Variants in ENAH observed in about 807,000 individuals in gnomAD.
ENAH encodes the protein protein enabled homolog.
In ENAH, 23 loss-of-function variants were observed where a neutral mutation model predicts 78.7. The ratio of observed to expected loss-of-function variants is 0.29; its 90% confidence interval spans 0.21 to 0.41. The LOEUF (loss-of-function observed/expected upper bound fraction) is 0.41, where lower values mean the gene tolerates loss of function less well. Among genes scored for constraint, ENAH ranks in the 10% least tolerant of loss-of-function variants. ENAH has a pLI of 1.00. For synonymous variants in ENAH, 226 were observed against 241.0 expected, an observed-to-expected ratio of 0.94 and a Z score of 0.58; for missense variants, 544 against 691.0, an observed-to-expected ratio of 0.79 and a Z score of 2.39.
chr1:225,612,601 T>C (rs190609166), intron 1 of ENAH, among the ~76,000 whole-genome samples: 2 of 152,288 alleles, frequency 1.3e-5, no homozygotes, highest in East Asian at 3.9e-4. Context: ...ATCTGCATTT[T>C]CCCACAGCAA....
At chr1:225,505,452 C>A (rs955732361) in intron 11 of ENAH, among the ~76,000 whole-genome samples, 1 of 152,160 alleles carries the variant, frequency 6.6e-6, no homozygotes. Flanking sequence ...TAGTTTAAAG[C>A]ATTTTTAACC....
intron 3 of ENAH, among the ~76,000 whole-genome samples, chr1:225,545,196 TGAAGAGACA>T (rs2096607473): frequency 1.3e-5 from 2 of 152,164 alleles, no homozygotes; most frequent in African/African-American, 4.8e-5. Context: ...CCATCTACAT[TGAAGAGACA>T]GAAAATATGG....
chr1:225,648,866 T>C (rs1662465521), intron 1 of ENAH, among the ~76,000 whole-genome samples: 1 of 151,856 alleles, frequency 6.6e-6, no homozygotes, highest in African/African-American at 2.4e-5. Flanking sequence ...ATAAAATTTA[T>C]GATTACCACA....
At chr1:225,520,455 C>T (rs2096458489) in intron 4 of ENAH, among the ~76,000 whole-genome samples, 1 of 152,182 alleles carries the variant, frequency 6.6e-6, no homozygotes, top group Non-Finnish European at 1.5e-5. Flanking sequence ...CCCCTATATA[C>T]CTCTAGACTT....
At chr1:225,587,496 G>GT (rs1401615767) in intron 1 of ENAH, among the ~76,000 whole-genome samples, 1 of 152,094 alleles carries the variant, frequency 6.6e-6, no homozygotes, top group Non-Finnish European at 1.5e-5. Flanking sequence ...AAAAACACTG[G>GT]TAAGAGAAAT....
At chr1:225,517,429 G>A (rs1430293176) in intron 5 of ENAH, 123 bp from the exon 6 acceptor site, 40 of 1,551,646 alleles carry the variant, frequency 2.6e-5, no homozygotes, top group Admixed American at 3.9e-5. Context: ...CAGTGGAGGC[G>A]GCGGCGGAGG....
intron 1 of ENAH, chr1:225,652,433 C>T (rs114029834): frequency 0.011 from 10,473 of 984,392 alleles, 68 homozygotes; most frequent in South Asian, 0.043. Context: ...GAAGGGAAAT[C>T]CTGGGTGAAA....
intron 10 of ENAH, among the ~76,000 whole-genome samples, chr1:225,511,243 T>A (rs1575343071): frequency 6.6e-6 from 1 of 152,204 alleles, no homozygotes; most frequent in East Asian, 1.9e-4. Flanking sequence ...AGAAATAACA[T>A]GTGAATATGT....
chr1:225,558,212 C>G (rs185869645), intron 2 of ENAH, among the ~76,000 whole-genome samples: 1 of 152,090 alleles, frequency 6.6e-6, no homozygotes, highest in Non-Finnish European at 1.5e-5. Context: ...CAAAGTAATG[C>G]TGGACTTAAA....
At chr1:225,545,734 G>T (rs2096609749) in intron 3 of ENAH, among the ~76,000 whole-genome samples, 1 of 152,026 alleles carries the variant, frequency 6.6e-6, no homozygotes, top group Admixed American at 6.6e-5. Flanking sequence ...CGGTCCAGAA[G>T]GGGACCCTCA....
At position 225,494,120 on chromosome 1, in the gene ENAH, T is replaced by G. The variant is rs1418410400; in HGVS notation, c.*3655A>C. On this transcript the variant is annotated 3_prime_UTR_variant, in exon 14 of 14. Coordinates refer to ENST00000366843, the MANE Select transcript of ENAH (RefSeq NM_018212.6). ...TTTACAACTGTAACTCTGTAATGGC[T>G]GCAAATGTTAATGAATATTGGGAAC... is the stretch of plus-strand genomic sequence containing the variant. 2.2e-5 allele frequency: 3 copies of G among 135,978 alleles called. No homozygotes were observed. Among genetic ancestry groups the G allele is most frequent in the Non-Finnish European group, 4.6e-5 (3 of 64,916 alleles). 8.4% of individuals were successfully genotyped at this position (135,978 alleles called of 1,614,324 possible). A position where few individuals can be genotyped will look rare whatever the true frequency, so the allele number is the denominator to read the frequency against.
intron 1 of ENAH, among the ~76,000 whole-genome samples, chr1:225,594,398 C>A (rs2096892520): frequency 6.6e-6 from 1 of 152,100 alleles, no homozygotes; most frequent in Admixed American, 6.5e-5. Flanking sequence ...ATAAGAAAAT[C>A]CTTCCTTTCC....
At chr1:225,607,231 T>TA (rs889418893) in intron 1 of ENAH, among the ~76,000 whole-genome samples, 20 of 151,672 alleles carry the variant, frequency 1.3e-4, no homozygotes, top group African/African-American at 1.2e-4. Flanking sequence ...CTGATGAGCT[T>TA]AAAAAAAACA....
At chr1:225,622,296 A>G (rs555727891) in intron 1 of ENAH, among the ~76,000 whole-genome samples, 1 of 152,280 alleles carries the variant, frequency 6.6e-6, no homozygotes, top group Admixed American at 6.5e-5. Context: ...TATGTCCTCA[A>G]TAAAGGTGTT....
intron 10 of ENAH, among the ~76,000 whole-genome samples, chr1:225,509,802 T>C (rs1477742673): frequency 6.6e-6 from 1 of 152,228 alleles, no homozygotes; most frequent in Non-Finnish European, 1.5e-5. Context: ...TTCCCCGTTC[T>C]AGTCTATTTC....
At chr1:225,599,347 C>CT (rs1269573668) in intron 1 of ENAH, among the ~76,000 whole-genome samples, 6 of 152,068 alleles carry the variant, frequency 3.9e-5, no homozygotes, top group African/African-American at 1.4e-4. Flanking sequence ...ATTGGGAAAT[C>CT]TAAGAAAATC....
At chr1:225,534,508 T>TA (rs200439528) in intron 3 of ENAH, among the ~76,000 whole-genome samples, 1,778 of 150,824 alleles carry the variant, frequency 0.012, 13 homozygotes, top group Middle Eastern at 0.027. Context: ...TCTTCATAGG[T>TA]AAAAAAAAAC....
intron 1 of ENAH, among the ~76,000 whole-genome samples, chr1:225,628,834 AGGCGGAGGTTGTGGTGAGT>A (rs1270534619): frequency 1.3e-5 from 2 of 149,710 alleles, no homozygotes; most frequent in Non-Finnish European, 3.0e-5. Context: ...TGAACCTGGG[AGGCGGAGGTTGTGGTGAGT>A]GGAGATCGCG....
chr1:225,523,312 A>C (rs2096483680), intron 4 of ENAH, among the ~76,000 whole-genome samples: 1 of 151,618 alleles, frequency 6.6e-6, no homozygotes, highest in African/African-American at 2.4e-5. Flanking sequence ...TTAAGTCACA[A>C]GCAGAAGGCC....
Sources: allele counts gnomAD v4.1 joint callset (sites outside exome capture counted in the v4.1 genomes callset), GRCh38; gene constraint gnomAD v4.1.1; transcripts MANE v1.5; gene names NCBI Gene and HGNC (gene_info 2026-07-23, HGNC 2026-07-21).